ANO2: variants seen among roughly 807,000 people sequenced by gnomAD.
The protein encoded by ANO2 is anoctamin-2.
Under a neutral mutation model 124.2 loss-of-function variants are expected in ANO2, and 101 were observed. The ratio of observed to expected loss-of-function variants is 0.81; its 90% CI spans 0.69 to 0.96. The LOEUF (loss-of-function observed/expected upper bound fraction) is 0.96, where lower values mean the gene tolerates loss of function less well. Among genes scored for constraint, ANO2 ranks in the 40% least tolerant of loss-of-function variants. ANO2 has a pLI of 0.00. For missense variants in ANO2, 1,293 were observed against 1,274.5 expected, an observed-to-expected ratio of 1.01 and a Z score of -0.22; for synonymous variants, 486 against 482.5, an observed-to-expected ratio of 1.01 and a Z score of -0.09.
intron 1 of ANO2, among the ~76,000 whole-genome samples, chr12:5,944,896 T>TA (rs1299706240): frequency 6.6e-6 from 1 of 151,840 alleles, no homozygotes; most frequent in Non-Finnish European, 1.5e-5. Context: ...ATCACAGAGG[T>TA]GGGGATTGGT....
chr12:5,637,119 A>T (rs1946063898), intron 15 of ANO2, among the ~76,000 whole-genome samples: 1 of 152,010 alleles, frequency 6.6e-6, no homozygotes, highest in South Asian at 2.1e-4. Context: ...CTAAGTAGGG[A>T]CTACTATCGT....
At chr12:5,868,309 A>G (rs1190293283) in intron 3 of ANO2, among the ~76,000 whole-genome samples, 1 of 152,204 alleles carries the variant, frequency 6.6e-6, no homozygotes, top group Admixed American at 6.5e-5. Flanking sequence ...AGCAGGGCAC[A>G]TTAAAGAAGA....
At chr12:5,624,379 T>G (rs1415911925) in intron 16 of ANO2, among the ~76,000 whole-genome samples, 1 of 152,080 alleles carries the variant, frequency 6.6e-6, no homozygotes, top group East Asian at 1.9e-4. Context: ...TACAAGCACT[T>G]GACAACTTCC....
chr12:5,818,468 T>G (rs1400198823), intron 7 of ANO2, among the ~76,000 whole-genome samples: 1 of 81,630 alleles, frequency 1.2e-5, no homozygotes, highest in African/African-American at 8.6e-5. Flanking sequence ...TATATATATA[T>G]ATATATATAT....
chr12:5,816,049 T>C (rs1299599258), intron 7 of ANO2, among the ~76,000 whole-genome samples: 1 of 152,070 alleles, frequency 6.6e-6, no homozygotes, highest in Non-Finnish European at 1.5e-5. Flanking sequence ...TGTAAGTTGG[T>C]TGCAAAAGAA....
At chr12:5,785,729 G>A (rs889112694) in intron 10 of ANO2, among the ~76,000 whole-genome samples, 4 of 151,778 alleles carry the variant, frequency 2.6e-5, no homozygotes, top group South Asian at 2.1e-4. Flanking sequence ...CCACCCCTAC[G>A]TGACAACTCA....
chr12:5,733,835 C>T (rs3782640), intron 13 of ANO2, among the ~76,000 whole-genome samples: 17,699 of 152,258 alleles, frequency 0.12, 1,141 homozygotes, highest in East Asian at 0.21. Flanking sequence ...CTCTGAATTC[C>T]GAAACTTTTA....
chr12:5,770,406 C>T (rs770760684), intron 10 of ANO2, among the ~76,000 whole-genome samples: 3 of 152,134 alleles, frequency 2.0e-5, no homozygotes, highest in Non-Finnish European at 4.4e-5. Context: ...TCTTGGTTTC[C>T]TTGTTGCACT....
chr12:5,941,947 C>T (rs1267419472), intron 1 of ANO2, among the ~76,000 whole-genome samples: 4 of 152,174 alleles, frequency 2.6e-5, no homozygotes, highest in Admixed American at 2.0e-4. Context: ...GAAATAAAGA[C>T]ATTTTTCATA....
intron 14 of ANO2, among the ~76,000 whole-genome samples, chr12:5,728,182 A>C (rs1950516336): frequency 6.6e-6 from 1 of 152,158 alleles, no homozygotes. Context: ...GCAGGGATAA[A>C]ATATATCCAG....
intron 20 of ANO2, among the ~76,000 whole-genome samples, chr12:5,597,053 T>C (rs1943698190): frequency 6.6e-6 from 1 of 152,148 alleles, no homozygotes; most frequent in Non-Finnish European, 1.5e-5. Flanking sequence ...GGAAGTATGG[T>C]TCAAGGGTCT....
intron 7 of ANO2, among the ~76,000 whole-genome samples, chr12:5,812,239 AAGG>A: frequency 7.9e-6 from 1 of 125,912 alleles, no homozygotes; most frequent in Non-Finnish European, 1.7e-5. Flanking sequence ...GGGGAAGGGG[AAGG>A]GGAAGAGAGG....
intron 10 of ANO2, among the ~76,000 whole-genome samples, chr12:5,755,152 T>G (rs1951539877): frequency 6.6e-6 from 1 of 151,858 alleles, no homozygotes; most frequent in African/African-American, 2.4e-5. Flanking sequence ...TTTTGATTTA[T>G]TCTTTGACCT....
rs569180917 is a variant in ANO2, at chr12:5,919,875, A to T, written c.534+1165T>A. The stretch of plus-strand genomic sequence containing the variant: ...ACCAGGCCCAGCTAATTTTTTGTGT[A>T]TTTAGTAGAGACAGGGTTTCACCAT... On this transcript the variant is annotated intron_variant, in intron 3 of 24. Coordinates refer to ENST00000682330, the MANE Select transcript of ANO2 (RefSeq NM_001364791.2). 5.9e-4 allele frequency among the ~76,000 whole-genome samples: 90 copies of T among 151,872 alleles called. 1 individual carries two copies. Among genetic ancestry groups the T allele is most frequent in the Middle Eastern group, 3.4e-3 (1 of 292 alleles).
At chr12:5,772,377 A>G (rs1317094607) in intron 10 of ANO2, among the ~76,000 whole-genome samples, 5 of 152,268 alleles carry the variant, frequency 3.3e-5, no homozygotes, top group Non-Finnish European at 7.3e-5. Flanking sequence ...TAATCTACAC[A>G]GAAGTCCTTG....
At chr12:5,578,246 G>T (rs1253665304) in intron 21 of ANO2, 120 bp downstream of exon 21, 6 of 1,407,226 alleles carry the variant, frequency 4.3e-6, no homozygotes, top group Non-Finnish European at 2.9e-6. Flanking sequence ...GAGGATGAGG[G>T]ACCCAAAGGG....
chr12:5,920,711 C>CA, intron 3 of ANO2, among the ~76,000 whole-genome samples: 1 of 152,032 alleles, frequency 6.6e-6, no homozygotes, highest in East Asian at 1.9e-4. Context: ...TAAAAAAATA[C>CA]AAAAAATTAG....
chr12:5,834,820 G>A (rs114264336), intron 4 of ANO2, among the ~76,000 whole-genome samples: 1,964 of 152,188 alleles, frequency 0.013, 45 homozygotes, highest in African/African-American at 0.044. Flanking sequence ...TCACTTAACC[G>A]TTTGGAATAT....
chr12:5,877,759 C>T (rs972726014), intron 3 of ANO2, among the ~76,000 whole-genome samples: 16 of 152,278 alleles, frequency 1.1e-4, no homozygotes, highest in Non-Finnish European at 2.1e-4. Context: ...GAAACTGTTC[C>T]GCCTCAGATC....
Sources: allele counts gnomAD v4.1 joint callset (sites outside exome capture counted in the v4.1 genomes callset), GRCh38; gene constraint gnomAD v4.1.1; transcripts MANE v1.5; gene names NCBI Gene and HGNC (gene_info 2026-07-23, HGNC 2026-07-21).